TRMT2B: variants seen among roughly 807,000 people sequenced by gnomAD.
TRMT2B encodes tRNA (uracil-5-)-methyltransferase homolog B.
A neutral mutation model predicts 39.7 loss-of-function variants in TRMT2B; 34 were observed. The ratio of observed to expected loss-of-function variants is 0.86; its 90% CI spans 0.65 to 1.14. The LOEUF is 1.14. TRMT2B is among the 50% of genes most tolerant of loss of function. TRMT2B has a pLI of 0.00. For synonymous variants in TRMT2B, 132 were observed against 137.3 expected, an observed-to-expected ratio of 0.96 and a Z score of 0.27; for missense variants, 318 against 377.2, an observed-to-expected ratio of 0.84 and a Z score of 1.30.
the TRMT2B span, chrX:100,988,439 C>G: frequency 5.2e-5 from 62 of 1,196,986 alleles, no homozygotes; most frequent in Admixed American, 6.7e-5. Flanking sequence ...TTAGATGAAC[C>G]CATGAAAGAA....
At chrX:101,040,726 C>T (rs748239449) in intron 4 of TRMT2B, among the ~76,000 whole-genome samples, 13 of 111,740 alleles carry the variant, frequency 1.2e-4, no homozygotes, top group Admixed American at 3.9e-4. Context: ...AGCACAGCTA[C>T]ATGTGAAACA....
At chrX:101,015,387 C>A (rs184937365) in intron 13 of TRMT2B, among the ~76,000 whole-genome samples, 12 of 111,685 alleles carry the variant, frequency 1.1e-4, no homozygotes, top group African/African-American at 3.6e-4. Context: ...TTACACAACT[C>A]ATTTTTTAGA....
chrX:101,045,248 A>G (rs2088567541), intron 2 of TRMT2B, among the ~76,000 whole-genome samples: 1 of 109,431 alleles, frequency 9.1e-6, no homozygotes, highest in African/African-American at 3.3e-5. Flanking sequence ...TGAGGTCGGG[A>G]GTTCAAGACC....
At chrX:100,986,398 C>T in the TRMT2B span, among the ~76,000 whole-genome samples, 1 of 111,740 alleles carries the variant, frequency 8.9e-6, no homozygotes, top group Non-Finnish European at 1.9e-5. Flanking sequence ...TTCTCATCCC[C>T]GCCCCCATCT....
chrX:101,018,922 T>C lies in TRMT2B; in HGVS notation c.1388+49A>G, dbSNP rs773129130. On this transcript the variant is annotated intron_variant, in intron 13 of 13. Transcript: ENST00000372936. ...CAATTGTGTGTACAATAAGCATGAA[T>C]GGCTTTGATAATCAGAACAAAAAAT... is the stretch of plus-strand genomic sequence containing the variant. 8.4e-6 allele frequency: 7 copies of C among 832,085 alleles called. No homozygotes were observed. In the South Asian group the frequency reaches 1.4e-4, roughly 17 times the overall value. The allele number at this position is 832,085 out of a possible 1,213,427, so 68.6% of individuals were successfully genotyped here.
chrX:101,004,860 G>A (rs1210954750), downstream of TRMT2B, among the ~76,000 whole-genome samples: 3 of 111,346 alleles, frequency 2.7e-5, no homozygotes, highest in Non-Finnish European at 1.9e-5. Context: ...AAGTTTATAA[G>A]AAATTTAGGT....
At chrX:100,974,000 TTTA>T in the TRMT2B span, 1 of 603,722 alleles carries the variant, frequency 1.7e-6, no homozygotes, top group South Asian at 2.9e-5. Flanking sequence ...GGCTGGGCCT[TTTA>T]TGGTACATGC....
At chrX:100,990,356 A>G in the TRMT2B span, 1 of 928,314 alleles carries the variant, frequency 1.1e-6, no homozygotes, top group Non-Finnish European at 1.3e-6. Flanking sequence ...AGAAAGTAAC[A>G]GAGAAAGTAA....
At chrX:100,996,560 T>G in the TRMT2B span, among the ~76,000 whole-genome samples, 4 of 111,918 alleles carry the variant, frequency 3.6e-5, no homozygotes, top group South Asian at 1.5e-3. Context: ...AAAAATGGCC[T>G]GGATCGTTCC....
chrX:101,014,441 G>A (rs148166414), intron 13 of TRMT2B, among the ~76,000 whole-genome samples: 2 of 110,870 alleles, frequency 1.8e-5, no homozygotes, highest in Non-Finnish European at 3.8e-5. Context: ...AGACTCAAGT[G>A]ATCTTCCCAA....
At chrX:100,990,671 C>T in the TRMT2B span, 57 of 974,882 alleles carry the variant, frequency 5.8e-5, no homozygotes, top group Non-Finnish European at 7.5e-5. Context: ...CATCTTTGTA[C>T]CGAGATGCTG....
chrX:101,020,226 G>A (rs2086730208), intron 11 of TRMT2B, among the ~76,000 whole-genome samples: 1 of 111,819 alleles, frequency 8.9e-6, no homozygotes, highest in South Asian at 3.7e-4. Flanking sequence ...TCTGTCCAAA[G>A]TTTTGCAACT....
chrX:101,032,314 G>A (rs548143769), intron 7 of TRMT2B, among the ~76,000 whole-genome samples: 5 of 105,089 alleles, frequency 4.8e-5, no homozygotes, highest in Middle Eastern at 5.5e-3. Flanking sequence ...GGGGCTGGGT[G>A]CGGTGGCTCA....
chrX:101,038,155 G>A, intron 4 of TRMT2B, 104 bp from the exon 5 acceptor site: 1 of 713,675 alleles, frequency 1.4e-6, no homozygotes, highest in Non-Finnish European at 2.1e-6. Flanking sequence ...ATCACCTGAG[G>A]TTAGGAGTTC....
intron 2 of TRMT2B, among the ~76,000 whole-genome samples, chrX:101,045,760 T>C (rs1292079355): frequency 9.1e-6 from 1 of 109,901 alleles, no homozygotes; most frequent in Non-Finnish European, 1.9e-5. Context: ...ATAACACCAC[T>C]GCATTCCAGC....
intron 4 of TRMT2B, among the ~76,000 whole-genome samples, chrX:101,040,015 C>G (rs184964587): frequency 9.0e-6 from 1 of 110,778 alleles, no homozygotes. Context: ...CAGCTTGGGC[C>G]GGGTGCAGTG....
the TRMT2B span, among the ~76,000 whole-genome samples, chrX:100,987,935 T>G: frequency 1.9e-4 from 21 of 112,087 alleles, no homozygotes; most frequent in African/African-American, 5.8e-4. Flanking sequence ...CTACTCAATA[T>G]TCTCAGCCTC....
chrX:101,020,372 C>T (rs2086735450), intron 11 of TRMT2B, 115 bp downstream of exon 11: 1 of 581,086 alleles, frequency 1.7e-6, no homozygotes, highest in East Asian at 3.3e-5. Context: ...CCAGAATTCC[C>T]TCCCTTCCTC....
At chrX:100,997,710 C>T in the TRMT2B span, among the ~76,000 whole-genome samples, 1 of 112,039 alleles carries the variant, frequency 8.9e-6, no homozygotes, top group Non-Finnish European at 1.9e-5. Flanking sequence ...TACATTAGCA[C>T]TTCTCGCAGT....
Sources: allele counts gnomAD v4.1 joint callset (sites outside exome capture counted in the v4.1 genomes callset), GRCh38; gene constraint gnomAD v4.1.1; transcripts MANE v1.5; gene names NCBI Gene and HGNC (gene_info 2026-07-23, HGNC 2026-07-21).